INPP4B: variants seen among roughly 807,000 people sequenced by gnomAD.
INPP4B encodes the protein inositol polyphosphate 4-phosphatase type II.
Under a neutral mutation model 122.5 loss-of-function variants are expected in INPP4B, and 55 were observed. That is an observed-to-expected ratio of 0.45 (90% CI 0.36 to 0.56). The LOEUF is 0.56. Ranked by LOEUF, INPP4B falls within the 20% of genes least tolerant of loss-of-function variation. INPP4B has a pLI of 0.00. For missense variants in INPP4B, 1,000 were observed against 1,097.7 expected (o/e 0.91, Z 1.26); for synonymous variants, 403 against 388.7 (o/e 1.04, Z -0.43).
intron 17 of INPP4B, among the ~76,000 whole-genome samples, chr4:142,151,361 C>T (rs1813817313): frequency 6.6e-6 from 1 of 152,112 alleles, no homozygotes; most frequent in South Asian, 2.1e-4. Context: ...TAAACATCCA[C>T]CAGATGAGAT....
chr4:142,721,894 TA>T (rs1764740007), intron 2 of INPP4B, among the ~76,000 whole-genome samples: 2 of 152,170 alleles, frequency 1.3e-5, no homozygotes, highest in Non-Finnish European at 2.9e-5. Flanking sequence ...AGCAAAATTA[TA>T]ACTTTCTTAT....
At chr4:142,573,700 AG>A (rs1580401977) in intron 2 of INPP4B, among the ~76,000 whole-genome samples, 1 of 152,108 alleles carries the variant, frequency 6.6e-6, no homozygotes, top group East Asian at 1.9e-4. Flanking sequence ...ACATCATTAC[AG>A]GTTCCCTGTG....
intron 12 of INPP4B, among the ~76,000 whole-genome samples, chr4:142,210,088 T>C (rs1844279867): frequency 6.6e-6 from 1 of 152,230 alleles, no homozygotes; most frequent in Admixed American, 6.5e-5. Context: ...TATTCATTTC[T>C]GTAACCTTTT....
chr4:142,807,398 C>A (rs1265728343), intron 1 of INPP4B, among the ~76,000 whole-genome samples: 3 of 151,982 alleles, frequency 2.0e-5, no homozygotes, highest in African/African-American at 7.3e-5. Context: ...GTTTGGAGAA[C>A]AATGTGTTGC....
At chr4:142,044,235 A>T (rs1281712760) in intron 25 of INPP4B, among the ~76,000 whole-genome samples, 1 of 152,146 alleles carries the variant, frequency 6.6e-6, no homozygotes, top group Non-Finnish European at 1.5e-5. Context: ...CTTATATTTC[A>T]TGCAAGAAGT....
At chr4:142,678,622 G>A (rs1405548945) in intron 2 of INPP4B, among the ~76,000 whole-genome samples, 1 of 151,900 alleles carries the variant, frequency 6.6e-6, no homozygotes, top group Admixed American at 6.6e-5. Context: ...CTCAACGTAA[G>A]AGCATATAAA....
chr4:142,787,296 C>A (rs6812076), intron 1 of INPP4B, among the ~76,000 whole-genome samples: 10,175 of 152,122 alleles, frequency 0.067, 564 homozygotes, highest in African/African-American at 0.15. Flanking sequence ...TTCGGCCATG[C>A]AGTCTCTGCT....
At chr4:142,078,534 A>G (rs774615616) in intron 25 of INPP4B, among the ~76,000 whole-genome samples, 43 of 152,172 alleles carry the variant, frequency 2.8e-4, no homozygotes, top group Non-Finnish European at 5.7e-4. Flanking sequence ...TACTGGAAAT[A>G]TAGTAGTGAA....
chr4:142,091,349 T>C (rs1779450891), intron 23 of INPP4B, among the ~76,000 whole-genome samples: 1 of 152,192 alleles, frequency 6.6e-6, no homozygotes, highest in Admixed American at 6.5e-5. Context: ...TCTGTCCCTA[T>C]TTCCTCAACT....
chr4:142,264,165 T>A (rs981460231), intron 10 of INPP4B, among the ~76,000 whole-genome samples: 9 of 152,060 alleles, frequency 5.9e-5, no homozygotes, highest in Non-Finnish European at 1.3e-4. Context: ...AATAGACTGA[T>A]ATAGTGACAT....
intron 25 of INPP4B, among the ~76,000 whole-genome samples, chr4:142,037,401 T>C (rs1423100825): frequency 6.6e-6 from 1 of 152,120 alleles, no homozygotes; most frequent in Non-Finnish European, 1.5e-5. Flanking sequence ...CTCAAATCAC[T>C]CTGACTTCTA....
At chr4:142,090,168 C>T (rs184594707) in intron 23 of INPP4B, among the ~76,000 whole-genome samples, 41 of 152,284 alleles carry the variant, frequency 2.7e-4, no homozygotes, top group South Asian at 2.3e-3. Context: ...GTAAATCAAG[C>T]ACCTGGCCAT....
intron 1 of INPP4B, among the ~76,000 whole-genome samples, chr4:142,819,828 A>G (rs2151149321): frequency 6.6e-6 from 1 of 152,148 alleles, no homozygotes; most frequent in South Asian, 2.1e-4. Flanking sequence ...CCAATTATTG[A>G]CAGACACCCT....
intron 7 of INPP4B, among the ~76,000 whole-genome samples, chr4:142,391,480 T>C (rs1275973424): frequency 6.6e-6 from 1 of 152,172 alleles, no homozygotes; most frequent in Non-Finnish European, 1.5e-5. Context: ...GAGAATCGCT[T>C]GAACCCAGGA....
intron 25 of INPP4B, among the ~76,000 whole-genome samples, chr4:142,046,876 T>C (rs1177738938): frequency 6.6e-6 from 1 of 152,080 alleles, no homozygotes; most frequent in Non-Finnish European, 1.5e-5. Flanking sequence ...CGAGACACCA[T>C]GTATTAAAAA....
At chr4:142,687,180 G>A (rs1759470365) in intron 2 of INPP4B, among the ~76,000 whole-genome samples, 2 of 152,000 alleles carry the variant, frequency 1.3e-5, no homozygotes, top group South Asian at 4.2e-4. Flanking sequence ...CGACTGACGA[G>A]GAATCAAGAA....
intron 1 of INPP4B, among the ~76,000 whole-genome samples, chr4:142,732,798 C>A (rs566887186): frequency 6.6e-6 from 1 of 151,934 alleles, no homozygotes; most frequent in East Asian, 1.9e-4. Context: ...AACCAAAATC[C>A]CAGTAGTCTT....
chr4:142,238,837 G>A (rs550909668), intron 11 of INPP4B, among the ~76,000 whole-genome samples: 1 of 152,142 alleles, frequency 6.6e-6, no homozygotes, highest in Admixed American at 6.5e-5. Flanking sequence ...AAGTCATCAG[G>A]GGAGAATTTC....
In INPP4B at chr4:142,240,334, G is replaced by A. The variant is rs116075652; in HGVS notation, c.689-2323C>T. On this transcript the variant is annotated intron_variant, in intron 11 of 25. Transcript: ENST00000262992. ...TGAGATTACAGGTGCAAGCCACCAC[G>A]CCTGGCCTTATTGTTTCCATTCTAA... Among the ~76,000 whole-genome samples the A allele has an allele frequency of 4.7e-3, 720 of 151,982 alleles. 10 individuals are homozygous for A. The highest frequency in any genetic ancestry group is 0.017 in the African/African-American group (687 of 41,442).
Sources: gnomAD v4.1 joint callset for allele counts (sites outside exome capture counted in the v4.1 genomes callset) on GRCh38, gnomAD v4.1.1 for gene constraint, MANE v1.5 for transcripts, NCBI Gene and HGNC (gene_info 2026-07-23, HGNC 2026-07-21) for gene names.